TJP1: variants seen among roughly 807,000 people sequenced by gnomAD.
TJP1 encodes the protein tight junction protein 1, also known as tight junction protein ZO-1.
Under a neutral mutation model 194.2 loss-of-function variants are expected in TJP1, and 43 were observed. The observed-to-expected ratio is 0.22, with a 90% CI of 0.17 to 0.29. TJP1 has a LOEUF of 0.29. Ranked by LOEUF, TJP1 falls within the 10% of genes least tolerant of loss-of-function variation. TJP1 has a pLI of 1.00. For missense variants in TJP1, 1,971 were observed against 2,185.7 expected (o/e 0.90, Z 1.96); for synonymous variants, 801 against 779.0 (o/e 1.03, Z -0.47).
rs1187723666 is a variant in TJP1 at position 29,700,594 on chromosome 15, T to C, written c.*1001A>G. ...TTGTTTATGTATAAAAAAGGTAAAG[T>C]TTATAAAAGTTAATTTACAAACCAA... On this transcript the variant is annotated 3_prime_UTR_variant, in exon 28 of 28. Transcript: ENST00000614355. 1 of 395,778 alleles carries C rather than the reference T, an allele frequency of 2.5e-6. No homozygotes were observed. Among genetic ancestry groups the C allele is most frequent in the Non-Finnish European group, 4.4e-6 (1 of 224,956 alleles). 24.5% of individuals were successfully genotyped at this position (395,778 alleles called of 1,614,324 possible).
intron 4 of TJP1, among the ~76,000 whole-genome samples, chr15:29,771,630 C>T (rs1036566405): frequency 6.6e-6 from 1 of 151,662 alleles, no homozygotes; most frequent in Non-Finnish European, 1.5e-5. Context: ...ACGGTGAAAC[C>T]CTGTCTCTAC....
At chr15:29,746,908 T>A (rs1473044424) in intron 8 of TJP1, among the ~76,000 whole-genome samples, 2 of 150,894 alleles carry the variant, frequency 1.3e-5, no homozygotes, top group Non-Finnish European at 2.9e-5. Context: ...GAACAATCTT[T>A]TAGGAAAAAA....
chr15:29,809,877 T>C (rs1299874896), intron 1 of TJP1, among the ~76,000 whole-genome samples: 1 of 152,104 alleles, frequency 6.6e-6, no homozygotes, highest in Non-Finnish European at 1.5e-5. Flanking sequence ...CTTAAGTACT[T>C]GATTTGGAGT....
rs1331077267 is a variant in TJP1 at position 29,709,425 on chromosome 15, G to A, written c.4373-389C>T. Among the ~76,000 whole-genome samples the A allele has an allele frequency of 2.6e-5, 4 of 152,154 alleles. No individual in the cohort carries two copies. In the East Asian group the frequency reaches 5.8e-4, roughly 22 times the overall value. On this transcript the variant is annotated intron_variant, in intron 24 of 27. Transcript: ENST00000614355. ...TCACACCCACTAGAATGGAAAAACC[G>A]AAAAGTCTGATGATGCCAAACATTG...
chr15:29,713,401 A>C (rs2042360797), intron 23 of TJP1, among the ~76,000 whole-genome samples: 2 of 152,208 alleles, frequency 1.3e-5, no homozygotes, highest in South Asian at 4.1e-4. Flanking sequence ...TGGAACTGTT[A>C]GACTGGGTAA....
chr15:29,910,796 T>C lies in TJP1; in HGVS notation c.306+45436A>G, dbSNP rs118054840. Among the ~76,000 whole-genome samples, 16 of 152,204 alleles carry C rather than the reference T, an allele frequency of 1.1e-4. No homozygotes were observed. In the East Asian group the frequency reaches 3.1e-3, roughly 29 times the overall value. ...ATAACACGCTACAAGCACAGAGAAG[T>C]CCCAACTTATACACGGATTCTGCAT... is the stretch of plus-strand genomic sequence containing the variant. On this transcript the variant is annotated intron_variant, in intron 2 of 28. Transcript: ENST00000356107.
At chr15:29,867,469 T>C (rs1056096548) in intron 2 of TJP1, among the ~76,000 whole-genome samples, 1 of 152,204 alleles carries the variant, frequency 6.6e-6, no homozygotes, top group Non-Finnish European at 1.5e-5. Flanking sequence ...GTGGCCCATG[T>C]GTGCTATGTC....
Position 29,821,974 on chromosome 15 carries a change from T to C in TJP1, c.27+28A>G, listed in dbSNP as rs531384390. ...GCGGGCGGCGACGGTCGGCCCGGTC[T>C]GGCCCTGGCGGCCGCGGAGGCGCTC... On this transcript the variant is annotated intron_variant, in intron 1 of 27. Transcript: ENST00000614355. 358 of 1,279,838 alleles carry C rather than the reference T, an allele frequency of 2.8e-4. 2 individuals are homozygous for C. In the African/African-American group the frequency reaches 5.1e-3, roughly 18 times the overall value. 79.3% of individuals were successfully genotyped at this position (1,279,838 alleles called of 1,614,324 possible). A position where few individuals can be genotyped will look rare whatever the true frequency, so the allele number is the denominator to read the frequency against.
intron 2 of TJP1, among the ~76,000 whole-genome samples, chr15:29,793,181 C>A (rs577390554): frequency 6.6e-6 from 1 of 152,302 alleles, no homozygotes; most frequent in South Asian, 2.1e-4. Context: ...TCCTTGCCTT[C>A]TTCCAGATCT....
chr15:29,936,351 A>G (rs16954843), intron 2 of TJP1, among the ~76,000 whole-genome samples: 8,284 of 152,260 alleles, frequency 0.054, 345 homozygotes, highest in African/African-American at 0.11. Context: ...AGTCTTCATC[A>G]TCTAGCTCCT....
chr15:29,950,048 AC>A (rs2055629292), intron 2 of TJP1, among the ~76,000 whole-genome samples: 1 of 67,418 alleles, frequency 1.5e-5, no homozygotes, highest in African/African-American at 6.9e-5. Context: ...CACCTCCACC[AC>A]CACCACCTCC....
intron 23 of TJP1, among the ~76,000 whole-genome samples, chr15:29,713,119 A>G (rs2042341831): frequency 6.6e-6 from 1 of 152,182 alleles, no homozygotes; most frequent in Non-Finnish European, 1.5e-5. Context: ...AGTCTCTCAC[A>G]TTTAGTTCTT....
intron 2 of TJP1, among the ~76,000 whole-genome samples, chr15:29,949,396 C>A (rs1303655854): frequency 1.9e-4 from 26 of 138,588 alleles, no homozygotes; most frequent in African/African-American, 6.4e-4. Flanking sequence ...CCACCACCAC[C>A]ACCTCCACAA....
At position 29,772,078 on chromosome 15, in the gene TJP1, T is replaced by C; in HGVS notation, c.298A>G (p.Lys100Glu). The change falls in exon 4 of 28, where the codon AAA (lysine) becomes GAA (glutamate). Residue 100 changes from lysine to glutamate, a missense_variant. This residue lies in a region of TJP1 where 245 missense variants were observed against 336.6 expected (regional missense o/e 0.73). Transcript: ENST00000614355. ...AAGATACTTACAATTTTTGCATTTT[T>C]CCCACTTTTCCTTAGTTGCTGAACA... is the stretch of plus-strand genomic sequence containing the variant. ...FAVQQLRKSG[K>E]NAKITIRRKK... 1.9e-6 allele frequency: 3 copies of C among 1,598,260 alleles called. No individual in the cohort carries two copies. Among genetic ancestry groups the C allele is most frequent in the Non-Finnish European group, 2.6e-6 (3 of 1,174,210 alleles).
intron 2 of TJP1, among the ~76,000 whole-genome samples, chr15:29,947,908 C>G (rs2055338282): frequency 6.6e-6 from 1 of 152,158 alleles, no homozygotes; most frequent in Non-Finnish European, 1.5e-5. Context: ...CTGTGCCAAC[C>G]CTGGGCTGCC....
intron 1 of TJP1, among the ~76,000 whole-genome samples, chr15:29,818,793 C>A (rs567049669): frequency 2.0e-5 from 3 of 150,448 alleles, no homozygotes; most frequent in Non-Finnish European, 4.4e-5. Flanking sequence ...TGGGATTACA[C>A]CGCGCCCGGC....
intron 25 of TJP1, among the ~76,000 whole-genome samples, chr15:29,705,990 G>C (rs2041873950): frequency 6.6e-6 from 1 of 152,198 alleles, no homozygotes; most frequent in Non-Finnish European, 1.5e-5. Context: ...GGAGTGCAGT[G>C]GCACAATCTT....
At chr15:29,713,744 T>G (rs2042383711) in intron 23 of TJP1, among the ~76,000 whole-genome samples, 1 of 152,206 alleles carries the variant, frequency 6.6e-6, no homozygotes, top group African/African-American at 2.4e-5. Context: ...TTATCTTCCA[T>G]GACCCTTATT....
chr15:29,835,305 G>A (rs1206515564), intron 2 of TJP1, among the ~76,000 whole-genome samples: 2 of 152,114 alleles, frequency 1.3e-5, no homozygotes, highest in Admixed American at 6.5e-5. Context: ...ATAACGGAGT[G>A]CATATTATAT....
Sources: gnomAD v4.1 joint callset for allele counts (sites outside exome capture counted in the v4.1 genomes callset) on GRCh38, gnomAD v4.1.1 for gene constraint, gnomAD v4.1.1 regional missense constraint, MANE v1.5 for transcripts, NCBI Gene and HGNC (gene_info 2026-07-23, HGNC 2026-07-21) for gene names.